TACC2: variants seen among roughly 807,000 people sequenced by gnomAD.
TACC2 encodes transforming acidic coiled-coil-containing protein 2.
Under a neutral mutation model 227.3 loss-of-function variants are expected in TACC2, and 137 were observed. That is an observed-to-expected ratio of 0.60 (90% CI 0.52 to 0.69). The LOEUF is 0.69. TACC2 is among the 30% of genes least tolerant of loss of function. The probability of loss-of-function intolerance (pLI) is 0.00; values close to 1 mark genes in which losing one functional copy is unlikely to be tolerated. For synonymous variants in TACC2, 1,523 were observed against 1,487.5 expected, an observed-to-expected ratio of 1.02 and a Z score of -0.55; for missense variants, 3,470 against 3,694.4, an observed-to-expected ratio of 0.94 and a Z score of 1.57.
intron 2 of TACC2, among the ~76,000 whole-genome samples, chr10:122,036,216 G>A (rs979609103): frequency 2.1e-5 from 3 of 140,846 alleles, no homozygotes; most frequent in East Asian, 2.1e-4. Context: ...TTTTTGAGAC[G>A]GAGTCTCGCT....
chr10:122,127,471 C>T (rs915267280), intron 5 of TACC2, among the ~76,000 whole-genome samples: 4 of 152,218 alleles, frequency 2.6e-5, no homozygotes, highest in African/African-American at 9.6e-5. Context: ...TGCAGAAGCA[C>T]TTGTTGATAG....
chr10:122,126,417 G>A (rs1384941100), intron 5 of TACC2, among the ~76,000 whole-genome samples: 4 of 150,318 alleles, frequency 2.7e-5, no homozygotes, highest in African/African-American at 9.7e-5. Flanking sequence ...CCTTTGACGC[G>A]ACTCCCCCAG....
chr10:122,087,700 T>C lies in TACC2; in HGVS notation c.5200T>C (p.Ser1734Pro). 6.2e-7 allele frequency: 1 copy of C among 1,613,240 alleles called. No individual in the cohort carries two copies. Among genetic ancestry groups the C allele is most frequent in the Non-Finnish European group, 8.5e-7 (1 of 1,179,936 alleles). ...TGAAGCAGGTACTACGAGGACATTC[T>C]CCGTTGTGGCAGGTGACTTGGTGCT... ...LPEAGTTRTFSVVAGDLVLPG... is the reference protein window; with the variant it reads ...LPEAGTTRTFPVVAGDLVLPG... The change falls in exon 4 of 23, where the codon TCC becomes CCC. Residue 1734 changes from serine (S) to proline (P), a missense_variant. Coordinates refer to ENST00000369005, the MANE Select transcript of TACC2 (RefSeq NM_206862.4).
At chr10:122,009,794 T>C (rs1298190877) in intron 1 of TACC2, among the ~76,000 whole-genome samples, 3 of 151,444 alleles carry the variant, frequency 2.0e-5, no homozygotes, top group Non-Finnish European at 2.9e-5. Context: ...GGCATGGGGG[T>C]GCGCGCCTGT....
At chr10:122,131,795 GC>G (rs1309962907) in intron 5 of TACC2, among the ~76,000 whole-genome samples, 2 of 152,066 alleles carry the variant, frequency 1.3e-5, no homozygotes, top group African/African-American at 4.8e-5. Flanking sequence ...GCCAAGGCGG[GC>G]AGACCACTTG....
intron 7 of TACC2, among the ~76,000 whole-genome samples, chr10:122,160,216 CTT>C (rs1592743782): frequency 6.6e-6 from 1 of 152,136 alleles, no homozygotes; most frequent in Non-Finnish European, 1.5e-5. Context: ...TCTAGGGTGT[CTT>C]TGGGGACGTC....
chr10:122,042,937 G>A (rs1183665039), intron 2 of TACC2, among the ~76,000 whole-genome samples: 1 of 152,158 alleles, frequency 6.6e-6, no homozygotes, highest in Non-Finnish European at 1.5e-5. Context: ...ATCACAGCAT[G>A]GTACAGGCCA....
At position 122,050,610 on chromosome 10, in the gene TACC2, T is replaced by C. The variant is rs1255954582; in HGVS notation, c.146+60T>C. Reference sequence around the variant, plus strand: ...AAGGACTGCCCCGCTCATTGCCTGCTCCAGCATTAGCTTTGCCCCATTTGC... The same window carrying C: ...AAGGACTGCCCCGCTCATTGCCTGCCCCAGCATTAGCTTTGCCCCATTTGC... On this transcript the variant is annotated intron_variant, in intron 3 of 22. Coordinates refer to ENST00000369005, the MANE Select transcript of TACC2 (RefSeq NM_206862.4). The surrounding 1 kb of genome is among the most constrained non-coding windows in gnomAD (Gnocchi z 4.6). 3.5e-5 allele frequency: 47 copies of C among 1,352,186 alleles called. No homozygotes were observed. The highest frequency in any genetic ancestry group is 4.7e-5 in the Non-Finnish European group (45 of 951,298). The allele number at this position is 1,352,186 out of a possible 1,614,324, so 83.8% of individuals were successfully genotyped here.
chr10:122,176,141 A>ATATATC (rs1555104493), intron 7 of TACC2, among the ~76,000 whole-genome samples: 3 of 144,202 alleles, frequency 2.1e-5, no homozygotes, highest in East Asian at 2.1e-4. Context: ...ATATATATAT[A>ATATATC]TATATGAAGA....
At chr10:122,201,289 TGGGGAAAACGGCCAC>T (rs2094833469) in intron 8 of TACC2, among the ~76,000 whole-genome samples, 5 of 85,172 alleles carry the variant, frequency 5.9e-5, no homozygotes, top group East Asian at 9.3e-4. Context: ...TGCGTTCACA[TGGGGAAAACGGCCAC>T]CTCACCTGCC....
At position 122,085,137 on chromosome 10, in the gene TACC2, G is replaced by A; in HGVS notation, c.2637G>A (p.Val879=). 1 of 1,614,154 alleles carries A rather than the reference G, an allele frequency of 6.2e-7. No individual in the cohort carries two copies. Among genetic ancestry groups the A allele is most frequent in the Non-Finnish European group, 8.5e-7 (1 of 1,180,040 alleles). The change falls in exon 4 of 23, where the codon GTG becomes GTA. Residue 879 remains valine (V), a synonymous_variant. Coordinates refer to ENST00000369005, the MANE Select transcript of TACC2 (RefSeq NM_206862.4). ...ATTCTTCCCAAATCCATGTACCTGT[G>A]GAACCTCAGGAAGATAACAACTTGC... is the stretch of plus-strand genomic sequence containing the variant. ...GADSSQIHVP[V]EPQEDNNLPT...
chr10:122,252,772 C>T (rs553827973), intron 22 of TACC2, among the ~76,000 whole-genome samples: 1 of 152,174 alleles, frequency 6.6e-6, no homozygotes, highest in South Asian at 2.1e-4. Context: ...GGATTGCAGG[C>T]GTGAGCCACC....
intron 3 of TACC2, among the ~76,000 whole-genome samples, chr10:122,065,566 T>C (rs1266693265): frequency 2.6e-5 from 4 of 152,208 alleles, no homozygotes; most frequent in Non-Finnish European, 5.9e-5. Context: ...CCATCTGTAC[T>C]TGAAAAAAAT....
intron 5 of TACC2, among the ~76,000 whole-genome samples, chr10:122,111,604 C>T (rs1273586787): frequency 6.6e-6 from 1 of 152,196 alleles, no homozygotes; most frequent in Admixed American, 6.5e-5. Context: ...TATTCTCCTG[C>T]CTCAGCCTCC....
At chr10:122,143,312 C>A (rs2090909690) in intron 6 of TACC2, among the ~76,000 whole-genome samples, 1 of 152,194 alleles carries the variant, frequency 6.6e-6, no homozygotes, top group Admixed American at 6.5e-5. Flanking sequence ...TGAGCTGCCT[C>A]TGTTAAAGAA....
chr10:122,037,524 C>T (rs1382952457), intron 2 of TACC2, among the ~76,000 whole-genome samples: 2 of 152,190 alleles, frequency 1.3e-5, no homozygotes, highest in Non-Finnish European at 2.9e-5. Context: ...CTGAGCTCCC[C>T]ATAACCGGCC....
chr10:122,176,114 TCTC>T (rs2093699675), intron 7 of TACC2, among the ~76,000 whole-genome samples: 2 of 53,614 alleles, frequency 3.7e-5, no homozygotes, highest in Admixed American at 3.4e-4. Context: ...TCTCTCTCTC[TCTC>T]TATATATATA....
intron 3 of TACC2, among the ~76,000 whole-genome samples, chr10:122,063,797 T>A (rs1031364912): frequency 6.7e-6 from 1 of 150,008 alleles, no homozygotes; most frequent in African/African-American, 2.4e-5. Flanking sequence ...TAAAAACATA[T>A]TCAAATTATA....
chr10:122,074,058 G>A (rs1451682884), intron 3 of TACC2, among the ~76,000 whole-genome samples: 1 of 150,342 alleles, frequency 6.7e-6, no homozygotes, highest in East Asian at 2.0e-4. Context: ...GGGATTACAG[G>A]CGTAAGTCAC....
Sources: gnomAD v4.1 joint callset for allele counts (sites outside exome capture counted in the v4.1 genomes callset) on GRCh38, gnomAD v4.1.1 for gene constraint, Gnocchi (gnomAD v3.1) non-coding constraint, MANE v1.5 for transcripts, NCBI Gene and HGNC (gene_info 2026-07-23, HGNC 2026-07-21) for gene names.